The following CDK14 variants were observed in gnomAD, a reference collection of about 807,000 sequenced individuals.
CDK14 encodes cyclin dependent kinase 14.
A neutral mutation model predicts 60.7 loss-of-function variants in CDK14; 34 were observed. The observed-to-expected ratio is 0.56, with a 90% CI of 0.43 to 0.75. The LOEUF (loss-of-function observed/expected upper bound fraction) is 0.75, where lower values mean the gene tolerates loss of function less well. Ranked by LOEUF, CDK14 falls within the 30% of genes least tolerant of loss-of-function variation. CDK14 has a pLI of 0.00. For synonymous variants in CDK14, 197 were observed against 203.7 expected (o/e 0.97, Z 0.28); for missense variants, 482 against 564.1 (o/e 0.85, Z 1.47).
chr7:91,022,928 T>C (rs1477262542), intron 10 of CDK14, among the ~76,000 whole-genome samples: 1 of 152,168 alleles, frequency 6.6e-6, no homozygotes, highest in Non-Finnish European at 1.5e-5. Context: ...CTGGAGCTTC[T>C]CACTATGGTC....
chr7:90,688,245 T>A (rs1294448501), intron 2 of CDK14, among the ~76,000 whole-genome samples: 2 of 152,136 alleles, frequency 1.3e-5, no homozygotes, highest in African/African-American at 4.8e-5. Flanking sequence ...ACACTCAATA[T>A]CTGGTTTTGA....
At chr7:90,957,977 T>C (rs1473031416) in intron 9 of CDK14, among the ~76,000 whole-genome samples, 1 of 152,182 alleles carries the variant, frequency 6.6e-6, no homozygotes, top group East Asian at 1.9e-4. Context: ...TGAATGATTA[T>C]GCCCCCATAT....
chr7:90,646,335 T>G (rs1037456117), intron 2 of CDK14, among the ~76,000 whole-genome samples: 2 of 151,922 alleles, frequency 1.3e-5, no homozygotes, highest in African/African-American at 4.8e-5. Flanking sequence ...TGGAGGTGAT[T>G]TTTAATGGTT....
intron 14 of CDK14, among the ~76,000 whole-genome samples, chr7:91,122,239 C>G (rs1209602334): frequency 6.6e-6 from 1 of 151,912 alleles, no homozygotes; most frequent in African/African-American, 2.4e-5. Flanking sequence ...ACCTTTTAGC[C>G]TCTTATTTCT....
chr7:91,176,627 A>C (rs1801768644), intron 14 of CDK14, among the ~76,000 whole-genome samples: 1 of 152,202 alleles, frequency 6.6e-6, no homozygotes, highest in South Asian at 2.1e-4. Context: ...TAAAGGGCAT[A>C]TCACCACCGA....
intron 5 of CDK14, among the ~76,000 whole-genome samples, chr7:90,838,406 C>T (rs969545524): frequency 1.3e-5 from 2 of 152,026 alleles, no homozygotes; most frequent in African/African-American, 4.8e-5. Context: ...TCAGTGCACC[C>T]TGAAAAAGAA....
intron 5 of CDK14, among the ~76,000 whole-genome samples, chr7:90,836,741 G>A (rs752351264): frequency 6.6e-6 from 1 of 152,170 alleles, no homozygotes; most frequent in Non-Finnish European, 1.5e-5. Context: ...AACTGCCAAT[G>A]CAGTAGGTTT....
chr7:90,876,525 C>T (rs1360163438), intron 6 of CDK14, among the ~76,000 whole-genome samples: 4 of 152,200 alleles, frequency 2.6e-5, no homozygotes, highest in East Asian at 1.9e-4. Flanking sequence ...CTTCCTGGTG[C>T]CACCAATTTC....
At chr7:90,710,595 G>A in intron 2 of CDK14, 1 of 955,388 alleles carries the variant, frequency 1.0e-6, no homozygotes, top group Non-Finnish European at 1.2e-6. Context: ...CATTACACCT[G>A]TAGTGGTTAT....
chr7:90,840,300 A>G (rs7811198), intron 5 of CDK14, among the ~76,000 whole-genome samples: 111,896 of 152,140 alleles, frequency 0.74, 41,452 homozygotes, highest in East Asian at 0.89. Flanking sequence ...AGAACCAAGG[A>G]CTGAGTGGAG....
At chr7:90,698,927 G>A (rs970463323) in intron 2 of CDK14, among the ~76,000 whole-genome samples, 1 of 152,168 alleles carries the variant, frequency 6.6e-6, no homozygotes, top group Admixed American at 6.5e-5. Context: ...ATATGACAGT[G>A]AGAAAGGAAG....
chr7:91,176,899 A>C (rs1442081982), intron 14 of CDK14, among the ~76,000 whole-genome samples: 2 of 152,224 alleles, frequency 1.3e-5, no homozygotes. Flanking sequence ...AACTGGTACC[A>C]TTCCTTCTGA....
chr7:90,685,785 A>G (rs1801422084), intron 2 of CDK14, among the ~76,000 whole-genome samples: 1 of 150,632 alleles, frequency 6.6e-6, no homozygotes, highest in Non-Finnish European at 1.5e-5. Context: ...GGAAGAACTG[A>G]TATGTGTAAA....
At chr7:90,891,938 G>A (rs1562815855) in intron 6 of CDK14, among the ~76,000 whole-genome samples, 2 of 152,242 alleles carry the variant, frequency 1.3e-5, no homozygotes, top group African/African-American at 4.8e-5. Flanking sequence ...CTCATGAATA[G>A]GAGGTCTGAT....
intron 12 of CDK14, among the ~76,000 whole-genome samples, chr7:91,100,981 A>T (rs1397116035): frequency 3.9e-5 from 6 of 152,134 alleles, no homozygotes; most frequent in Non-Finnish European, 8.8e-5. Flanking sequence ...TCTGATGGGG[A>T]GACCTAGCAG....
intron 14 of CDK14, among the ~76,000 whole-genome samples, chr7:91,177,881 C>T (rs1426734669): frequency 1.1e-4 from 16 of 146,878 alleles, no homozygotes; most frequent in African/African-American, 4.0e-4. Context: ...AATGGCCATA[C>T]TGCCCAAGGT....
At chr7:90,845,217 C>G (rs865823676) in intron 5 of CDK14, among the ~76,000 whole-genome samples, 1 of 152,078 alleles carries the variant, frequency 6.6e-6, no homozygotes, top group African/African-American at 2.4e-5. Flanking sequence ...AATGAGTTCT[C>G]TTAACTCATT....
In CDK14 at chr7:90,998,743, G is replaced by T. The variant is rs1342393812; in HGVS notation, c.1041+14502G>T. 2.6e-5 allele frequency among the ~76,000 whole-genome samples: 4 copies of T among 152,204 alleles called. No individual in the cohort carries two copies. In the South Asian group the frequency reaches 6.2e-4, roughly 24 times the overall value. ...CTCTATTAAAAATACAAAAAAATTA[G>T]CTGGGTGTGGTTGCAGGCACCTGTA... is the stretch of plus-strand genomic sequence containing the variant. On this transcript the variant is annotated intron_variant, in intron 10 of 14. Transcript: ENST00000380050.
intron 10 of CDK14, among the ~76,000 whole-genome samples, chr7:90,992,533 A>G (rs1169224980): frequency 1.3e-5 from 2 of 152,214 alleles, no homozygotes; most frequent in African/African-American, 2.4e-5. Flanking sequence ...GTGAGAAAAT[A>G]AATATATAAT....
Sources: allele counts gnomAD v4.1 joint callset (sites outside exome capture counted in the v4.1 genomes callset), GRCh38; gene constraint gnomAD v4.1.1; transcripts MANE v1.5; gene names NCBI Gene and HGNC (gene_info 2026-07-23, HGNC 2026-07-21).